CES5A: variants seen among roughly 807,000 people sequenced by gnomAD.
The protein encoded by CES5A is carboxylesterase 5.
CES5A carries 67 observed loss-of-function variants against 62.9 expected under a neutral mutation model. That is an observed-to-expected ratio of 1.07 (90% CI 0.88 to 1.31). The LOEUF (loss-of-function observed/expected upper bound fraction) is 1.31, where lower values mean the gene tolerates loss of function less well. Ranked by LOEUF, CES5A falls within the 50% of genes most tolerant of loss-of-function variation. CES5A has a pLI of 0.00. For synonymous variants in CES5A, 296 were observed against 280.8 expected, an observed-to-expected ratio of 1.05 and a Z score of -0.54; for missense variants, 748 against 708.5, an observed-to-expected ratio of 1.06 and a Z score of -0.63.
chr16:55,860,781 G>T (rs1476356227), intron 7 of CES5A, among the ~76,000 whole-genome samples: 1 of 152,196 alleles, frequency 6.6e-6, no homozygotes, highest in African/African-American at 2.4e-5. Context: ...GTCTAGCATG[G>T]CTCAGAGTGG....
chr16:55,880,140 C>T (rs2033746187), upstream of CES5A, among the ~76,000 whole-genome samples: 1 of 152,192 alleles, frequency 6.6e-6, no homozygotes, highest in Non-Finnish European at 1.5e-5. Flanking sequence ...AAAACTTCAG[C>T]CCACCTCGGA....
chr16:55,865,293 A>ATATAGG (rs2033433625), intron 5 of CES5A, among the ~76,000 whole-genome samples: 1 of 152,216 alleles, frequency 6.6e-6, no homozygotes, highest in Non-Finnish European at 1.5e-5. Context: ...ATAGATATAG[A>ATATAGG]TATATAGATA....
Position 55,861,536 on chromosome 16 carries a change from C to G in CES5A, c.811-20G>C. ...CTGCAGCTATTTTGTAGAGAAGGAC[C>G]GGGTTAGAGCATGATATTGAAAGCA... On this transcript the variant is annotated intron_variant, in intron 6 of 12. Transcript: ENST00000290567. 6.5e-7 allele frequency: 1 copy of G among 1,528,660 alleles called. No individual in the cohort carries two copies. The highest frequency in any genetic ancestry group is 2.2e-5 in the East Asian group (1 of 44,450). 94.7% of individuals were successfully genotyped at this position (1,528,660 alleles called of 1,614,324 possible). A position where few individuals can be genotyped will look rare whatever the true frequency, so the allele number is the denominator to read the frequency against.
intron 1 of CES5A, among the ~76,000 whole-genome samples, chr16:55,950,536 AT>A (rs2034543700): frequency 6.6e-6 from 1 of 152,192 alleles, no homozygotes; most frequent in Non-Finnish European, 1.5e-5. Context: ...GAACTGGAAG[AT>A]TCAACCAAGG....
intron 8 of CES5A, among the ~76,000 whole-genome samples, chr16:55,858,166 C>G (rs2033281523): frequency 6.6e-6 from 1 of 152,146 alleles, no homozygotes; most frequent in African/African-American, 2.4e-5. Context: ...CCACTGCACT[C>G]CAGCCTCAGC....
At chr16:55,854,088 C>T (rs1255062166) in intron 9 of CES5A, among the ~76,000 whole-genome samples, 1 of 152,140 alleles carries the variant, frequency 6.6e-6, no homozygotes, top group African/African-American at 2.4e-5. Context: ...CTCCATGGTG[C>T]TGGTGATGTC....
In CES5A at chr16:55,925,188, A is replaced by G. The variant is rs527377699; in HGVS notation, c.-256+135T>C. 8 of 152,236 alleles carry G rather than the reference A, an allele frequency of 5.3e-5. No individual in the cohort carries two copies. In the East Asian group the frequency reaches 1.5e-3, roughly 29 times the overall value. The allele number at this position is 152,236 out of a possible 1,614,324, so 9.4% of individuals were successfully genotyped here. A position where few individuals can be genotyped will look rare whatever the true frequency, so the allele number is the denominator to read the frequency against. ...AATAGCAAATAAACAATCCAAATAAAAATGGGCAAATGATCTGAGTAGACA... is the reference window on the plus strand; with the variant it reads ...AATAGCAAATAAACAATCCAAATAAGAATGGGCAAATGATCTGAGTAGACA... On this transcript the variant is annotated intron_variant, in intron 1 of 12. Transcript: ENST00000518005.
At chr16:55,918,128 C>T (rs1395971704) in intron 1 of CES5A, among the ~76,000 whole-genome samples, 1 of 152,140 alleles carries the variant, frequency 6.6e-6, no homozygotes. Context: ...CTCTGCTTGA[C>T]CCCATGCTCT....
chr16:55,854,370 T>A (rs2033190894), intron 9 of CES5A, among the ~76,000 whole-genome samples: 1 of 151,808 alleles, frequency 6.6e-6, no homozygotes, highest in South Asian at 2.1e-4. Flanking sequence ...TCAATGAGCA[T>A]CTTCTCCATG....
chr16:55,952,213 T>G (rs1053524436), intron 1 of CES5A, among the ~76,000 whole-genome samples: 1 of 152,106 alleles, frequency 6.6e-6, no homozygotes, highest in South Asian at 2.1e-4. Flanking sequence ...GAAAAAAGTA[T>G]TACTATTTAG....
intron 1 of CES5A, among the ~76,000 whole-genome samples, chr16:55,894,498 C>CAAA (rs370359945): frequency 0.2 from 20,249 of 102,478 alleles, 2,492 homozygotes; most frequent in East Asian, 0.47. Flanking sequence ...AACTCTGTCT[C>CAAA]AAAAAAAAAA....
chr16:55,926,583 C>T (rs2093031073), upstream of CES5A, among the ~76,000 whole-genome samples: 1 of 152,104 alleles, frequency 6.6e-6, no homozygotes, highest in African/African-American at 2.4e-5. Flanking sequence ...GAGGCCAAAG[C>T]AGAACTTTAA....
upstream of CES5A, among the ~76,000 whole-genome samples, chr16:55,928,261 T>C (rs964056700): frequency 8.5e-5 from 13 of 152,232 alleles, no homozygotes; most frequent in Middle Eastern, 3.4e-3. Context: ...AAAATCATCT[T>C]TTCCAGCAAT....
chr16:55,929,471 T>A (rs1037161798), upstream of CES5A, among the ~76,000 whole-genome samples: 3 of 152,100 alleles, frequency 2.0e-5, no homozygotes, highest in Admixed American at 6.6e-5. Flanking sequence ...CCCACCCCCA[T>A]GACTCCCCAC....
At chr16:55,847,279 CCT>C (rs1247436164) in intron 11 of CES5A, among the ~76,000 whole-genome samples, 6 of 145,594 alleles carry the variant, frequency 4.1e-5, no homozygotes, top group African/African-American at 1.3e-4. Context: ...CTCTTCCTTC[CCT>C]CTCTCTCTTC....
chr16:55,936,046 C>T (rs900938016), intron 2 of CES5A, among the ~76,000 whole-genome samples: 5 of 152,058 alleles, frequency 3.3e-5, no homozygotes, highest in Non-Finnish European at 7.4e-5. Flanking sequence ...GCCCATGAGC[C>T]CATGTTCTCA....
At chr16:55,926,751 A>G (rs1349701131), upstream of CES5A, among the ~76,000 whole-genome samples, 1 of 152,226 alleles carries the variant, frequency 6.6e-6, no homozygotes, top group African/African-American at 2.4e-5. Context: ...ATATTATCAT[A>G]ATAAGTAGAT....
intron 2 of CES5A, among the ~76,000 whole-genome samples, chr16:55,945,390 G>A (rs1380840316): frequency 2.0e-5 from 3 of 152,238 alleles, no homozygotes; most frequent in Non-Finnish European, 2.9e-5. Flanking sequence ...CTCCAGGAGC[G>A]CTGCCTTCAG....
At chr16:55,916,494 TCAGC>T (rs1417756882) in intron 1 of CES5A, among the ~76,000 whole-genome samples, 6 of 152,082 alleles carry the variant, frequency 3.9e-5, no homozygotes, top group African/African-American at 1.4e-4. Flanking sequence ...CAAGATGGAG[TCAGC>T]CATGTCAGAT....
Sources: gnomAD v4.1 joint callset for allele counts (sites outside exome capture counted in the v4.1 genomes callset) on GRCh38, gnomAD v4.1.1 for gene constraint, MANE v1.5 for transcripts, NCBI Gene and HGNC (gene_info 2026-07-23, HGNC 2026-07-21) for gene names.